Variants in ETV7 observed in about 807,000 individuals in gnomAD.
ETV7 encodes ETS variant transcription factor 7, also known as transcription factor ETV7.
In ETV7, 43 loss-of-function variants were observed where a neutral mutation model predicts 39.1. The observed-to-expected ratio is 1.10, with a 90% CI of 0.86 to 1.42. The LOEUF (loss-of-function observed/expected upper bound fraction) is 1.42. ETV7 is among the 40% of genes most tolerant of loss of function. ETV7 has a pLI of 0.00. For missense variants in ETV7, 432 were observed against 442.3 expected, an observed-to-expected ratio of 0.98 and a Z score of 0.21; for synonymous variants, 196 against 176.6, an observed-to-expected ratio of 1.11 and a Z score of -0.87.
At chr6:36,376,169 GTTTC>G (rs1773333866) in intron 2 of ETV7, 134 bp from the exon 3 acceptor site, 2 of 708,154 alleles carry the variant, frequency 2.8e-6, no homozygotes, top group Non-Finnish European at 4.5e-6. Context: ...GCTGCCACCT[GTTTC>G]TTTCCTTCCT....
chr6:36,379,089 C>T (rs1198713321), intron 2 of ETV7, among the ~76,000 whole-genome samples: 1 of 152,240 alleles, frequency 6.6e-6, no homozygotes, highest in African/African-American at 2.4e-5. Context: ...GGAGGCCACA[C>T]GATGGGCAGA....
downstream of ETV7, chr6:36,366,140 C>T: frequency 1.0e-6 from 1 of 976,360 alleles, no homozygotes; most frequent in Non-Finnish European, 1.2e-6. Context: ...TGCCACTGCA[C>T]TCCACCCTGG....
downstream of ETV7, among the ~76,000 whole-genome samples, chr6:36,364,065 C>A (rs1772623410): frequency 6.6e-6 from 1 of 152,178 alleles, no homozygotes; most frequent in Non-Finnish European, 1.5e-5. Context: ...TATTTACAAA[C>A]CTTGAGCTAG....
At chr6:36,367,034 C>CT in intron 6 of ETV7, 59 bp from the exon 7 acceptor site, 1 of 1,314,508 alleles carries the variant, frequency 7.6e-7, no homozygotes, top group Non-Finnish European at 1.1e-6. Context: ...CCTTCCACAC[C>CT]TGGAAGGGAG....
At chr6:36,376,224 G>C (rs1561911604) in intron 2 of ETV7, among the ~76,000 whole-genome samples, 189 bp from the exon 3 acceptor site, 1 of 151,868 alleles carries the variant, frequency 6.6e-6, no homozygotes, top group East Asian at 1.9e-4. Flanking sequence ...ACATTGGATA[G>C]AATTATGTGT....
downstream of ETV7, among the ~76,000 whole-genome samples, chr6:36,364,123 A>T (rs1772625411): frequency 6.6e-6 from 1 of 152,212 alleles, no homozygotes; most frequent in South Asian, 2.1e-4. Context: ...CTAGACATAA[A>T]GGTTTTCCAC....
intron 1 of ETV7, among the ~76,000 whole-genome samples, chr6:36,387,270 G>A (rs544407687): frequency 2.0e-5 from 3 of 152,290 alleles, no homozygotes; most frequent in Admixed American, 2.0e-4. Flanking sequence ...TGGTAAGGGG[G>A]CTGCGGAAAG....
At chr6:36,372,423 C>T (rs921163352) in intron 4 of ETV7, among the ~76,000 whole-genome samples, 2 of 152,130 alleles carry the variant, frequency 1.3e-5, no homozygotes, top group African/African-American at 4.8e-5. Flanking sequence ...GCTGAGCAGA[C>T]AAGTGACGTG....
At chr6:36,367,056 G>T in intron 6 of ETV7, 81 bp from the exon 7 acceptor site, 1 of 1,075,522 alleles carries the variant, frequency 9.3e-7, no homozygotes, top group South Asian at 1.3e-5. Flanking sequence ...AGGGTGGACT[G>T]GACAGCTTCT....
At chr6:36,379,250 T>A (rs542456732) in intron 2 of ETV7, among the ~76,000 whole-genome samples, 1 of 152,238 alleles carries the variant, frequency 6.6e-6, no homozygotes, top group Non-Finnish European at 1.5e-5. Context: ...AATTCAAAAC[T>A]GTGATTCCTG....
rs201419269 is a variant in ETV7 at position 36,375,885 on chromosome 6, C to T, written c.293G>A (p.Arg98His). The T allele has an allele frequency of 1.7e-4, 281 of 1,614,014 alleles. 3 individuals are homozygous for T. Among genetic ancestry groups the T allele is most frequent in the South Asian group, 1.2e-3 (105 of 91,086 alleles). Residue 98 changes from arginine (R) to histidine (H), a missense_variant, in exon 3 of 8, where the codon CGT becomes CAT. Coordinates refer to ENST00000340181, the MANE Select transcript of ETV7 (RefSeq NM_016135.4). ...GTTTCCCTGACCTGAGCTGGGCGCA[C>T]GGTGCCGGAAGTCGTCCTTGGTGAG... ...CILTKDDFRH[R>H]APSSGDVLYE...
rs1276618185 is a variant in ETV7, at chr6:36,371,423, T to C, written c.571A>G (p.Asn191Asp). 6.2e-7 allele frequency: 1 copy of C among 1,602,826 alleles called. No homozygotes were observed. The highest frequency in any genetic ancestry group is 8.5e-7 in the Non-Finnish European group (1 of 1,174,080). ...RWTPGKEESL[N>D]LCHCAELGCR... ...CCGAGCTCTGCACAGTGACATAAGTTGAGGGACTCCTCCTTGCCAGGGGTC... is the reference window on the plus strand; with the variant it reads ...CCGAGCTCTGCACAGTGACATAAGTCGAGGGACTCCTCCTTGCCAGGGGTC... Residue 191 changes from asparagine to aspartate, a missense_variant, in exon 5 of 8, where the codon AAC (asparagine) becomes GAC (aspartate). Coordinates refer to ENST00000340181, the MANE Select transcript of ETV7 (RefSeq NM_016135.4).
intron 7 of ETV7, among the ~76,000 whole-genome samples, chr6:36,356,480 C>T (rs10807168): frequency 0.43 from 65,992 of 152,006 alleles, 15,436 homozygotes; most frequent in Non-Finnish European, 0.51. Flanking sequence ...GAGACCAGAC[C>T]CTCCAGGGAC....
intron 4 of ETV7, among the ~76,000 whole-genome samples, chr6:36,372,650 A>G (rs1773089726): frequency 6.8e-6 from 1 of 147,858 alleles, no homozygotes; most frequent in Non-Finnish European, 1.5e-5. Flanking sequence ...GTAGAAATCT[A>G]AGATGACATC....
rs565608552 is a variant in ETV7, at chr6:36,385,172, TA to T, written c.142+361del. Reference sequence around the variant, plus strand: ...ACATAGAGCAACCCTGTCTCTTATTTAAAAAAAAATTTAATTTTAAGGGCCA... The same window carrying T: ...ACATAGAGCAACCCTGTCTCTTATTTAAAAAAAATTTAATTTTAAGGGCCA... On this transcript the variant is annotated intron_variant, in intron 2 of 7. Coordinates refer to ENST00000340181, the MANE Select transcript of ETV7 (RefSeq NM_016135.4). 8.5e-3 allele frequency among the ~76,000 whole-genome samples: 1,293 copies of T among 151,590 alleles called. 13 individuals are homozygous for T. The highest frequency in any genetic ancestry group is 0.048 in the Middle Eastern group (14 of 290).
At chr6:36,368,885 C>T in intron 6 of ETV7, 44 bp downstream of exon 6, 1 of 1,613,628 alleles carries the variant, frequency 6.2e-7, no homozygotes, top group Non-Finnish European at 8.5e-7. Flanking sequence ...CCAACTCTGT[C>T]CCCTTCTGGT....
chr6:36,387,457 GA>G, intron 1 of ETV7, 78 bp downstream of exon 1: 2 of 1,593,784 alleles, frequency 1.3e-6, no homozygotes, highest in Non-Finnish European at 1.7e-6. Context: ...AATAGGTTTG[GA>G]AATCTAGGTG....
chr6:36,365,506 C>T (rs1772679669), downstream of ETV7, among the ~76,000 whole-genome samples: 1 of 152,156 alleles, frequency 6.6e-6, no homozygotes. Context: ...AGAGGCGGAA[C>T]ACCTTGCCCA....
downstream of ETV7, among the ~76,000 whole-genome samples, chr6:36,361,752 G>T (rs567432363): frequency 2.6e-5 from 4 of 152,194 alleles, no homozygotes; most frequent in African/African-American, 9.7e-5. Context: ...TTTCATTAAT[G>T]AACTTTTTAT....
Sources: gnomAD v4.1 joint callset for allele counts (sites outside exome capture counted in the v4.1 genomes callset) on GRCh38, gnomAD v4.1.1 for gene constraint, MANE v1.5 for transcripts, NCBI Gene and HGNC (gene_info 2026-07-23, HGNC 2026-07-21) for gene names.